ELMO1: variants seen among roughly 807,000 people sequenced by gnomAD.
ELMO1 encodes engulfment and cell motility protein 1.
A neutral mutation model predicts 98.9 loss-of-function variants in ELMO1; 26 were observed. The ratio of observed to expected loss-of-function variants is 0.26; its 90% CI spans 0.19 to 0.36. The LOEUF (loss-of-function observed/expected upper bound fraction) is 0.36. ELMO1 is among the 10% of genes least tolerant of loss of function. The pLI, the probability that ELMO1 is intolerant of heterozygous loss-of-function variation, is 1.00. For synonymous variants in ELMO1, 346 were observed against 346.0 expected (o/e 1.00, Z 0.00); for missense variants, 627 against 935.2 (o/e 0.67, Z 4.30).
chr7:37,282,742 G>A (rs1403444778), intron 4 of ELMO1, among the ~76,000 whole-genome samples: 1 of 152,208 alleles, frequency 6.6e-6, no homozygotes, highest in African/African-American at 2.4e-5. Context: ...TGCAGGGGCT[G>A]CTCACCATCA....
intron 13 of ELMO1, among the ~76,000 whole-genome samples, chr7:37,164,672 G>T (rs1485911194): frequency 1.3e-5 from 2 of 151,038 alleles, no homozygotes; most frequent in Admixed American, 6.6e-5. Flanking sequence ...ATTTCTGAGG[G>T]CTCTGTTCTG....
At chr7:36,955,733 C>T (rs1458245008) in intron 16 of ELMO1, among the ~76,000 whole-genome samples, 2 of 152,168 alleles carry the variant, frequency 1.3e-5, no homozygotes, top group African/African-American at 2.4e-5. Flanking sequence ...CTACCCTATT[C>T]GTGACCTTAA....
intron 16 of ELMO1, among the ~76,000 whole-genome samples, chr7:36,929,874 G>T (rs138060162): frequency 6.6e-6 from 1 of 152,366 alleles, no homozygotes; most frequent in East Asian, 1.9e-4. Context: ...CAAAGTATAA[G>T]TAAAGAGGTT....
intron 15 of ELMO1, among the ~76,000 whole-genome samples, chr7:37,067,531 C>T (rs34958479): frequency 0.24 from 36,207 of 152,096 alleles, 5,184 homozygotes; most frequent in African/African-American, 0.4. Flanking sequence ...TATGTACAGT[C>T]ATCTGTTTCA....
intron 16 of ELMO1, among the ~76,000 whole-genome samples, chr7:36,975,496 A>G (rs1248539971): frequency 6.6e-6 from 1 of 152,044 alleles, no homozygotes; most frequent in East Asian, 1.9e-4. Context: ...AATTTTCATC[A>G]AAGTTGAAAT....
intron 16 of ELMO1, among the ~76,000 whole-genome samples, chr7:36,949,307 C>T (rs1237787386): frequency 1.3e-5 from 2 of 152,232 alleles, no homozygotes; most frequent in Admixed American, 6.5e-5. Context: ...ATTCCCTTGC[C>T]TTGTGCCTTG....
chr7:36,931,500 T>G (rs1786032659), intron 16 of ELMO1, among the ~76,000 whole-genome samples: 1 of 151,572 alleles, frequency 6.6e-6, no homozygotes, highest in Non-Finnish European at 1.5e-5. Context: ...ACTGGGGAGG[T>G]TGAGGCGTGA....
At chr7:37,125,625 A>G (rs541567955) in intron 14 of ELMO1, among the ~76,000 whole-genome samples, 1 of 152,224 alleles carries the variant, frequency 6.6e-6, no homozygotes, top group Non-Finnish European at 1.5e-5. Context: ...TAGAATGGCA[A>G]TCATTAAAAA....
intron 13 of ELMO1, among the ~76,000 whole-genome samples, chr7:37,164,891 T>C (rs1233303082): frequency 6.6e-6 from 1 of 151,568 alleles, no homozygotes; most frequent in Non-Finnish European, 1.5e-5. Flanking sequence ...ATTGGTAGCT[T>C]GATGGGGATG....
intron 13 of ELMO1, among the ~76,000 whole-genome samples, chr7:37,163,804 G>A (rs1315668653): frequency 6.6e-6 from 1 of 152,172 alleles, no homozygotes; most frequent in Admixed American, 6.5e-5. Context: ...ACATACGTGT[G>A]CATGTGTCTT....
intron 15 of ELMO1, among the ~76,000 whole-genome samples, chr7:37,031,264 G>A (rs559532876): frequency 2.6e-4 from 39 of 152,016 alleles, no homozygotes; most frequent in Admixed American, 2.4e-3. Flanking sequence ...ATAAAGTAAC[G>A]CCTCTTCACA....
intron 1 of ELMO1, among the ~76,000 whole-genome samples, chr7:37,373,038 G>A (rs1468975510): frequency 6.6e-6 from 1 of 152,154 alleles, no homozygotes; most frequent in African/African-American, 2.4e-5. Flanking sequence ...TCACCTACAG[G>A]GAAACATCAC....
chr7:37,437,073 A>G (rs1269715245), intron 1 of ELMO1, among the ~76,000 whole-genome samples: 2 of 152,208 alleles, frequency 1.3e-5, no homozygotes, highest in South Asian at 2.1e-4. Flanking sequence ...TTTCCAAAGC[A>G]TGAATGGACC....
At chr7:36,931,436 C>G (rs905758588) in intron 16 of ELMO1, among the ~76,000 whole-genome samples, 10 of 152,202 alleles carry the variant, frequency 6.6e-5, no homozygotes, top group African/African-American at 1.9e-4. Flanking sequence ...CCTGTCTCTA[C>G]TAAAAGTACA....
intron 16 of ELMO1, among the ~76,000 whole-genome samples, chr7:36,949,308 T>G (rs1054704081): frequency 2.6e-5 from 4 of 152,228 alleles, no homozygotes; most frequent in Non-Finnish European, 5.9e-5. Flanking sequence ...TTCCCTTGCC[T>G]TGTGCCTTGG....
intron 13 of ELMO1, among the ~76,000 whole-genome samples, chr7:37,206,118 C>A (rs929418879): frequency 5.3e-5 from 8 of 152,170 alleles, no homozygotes; most frequent in African/African-American, 1.9e-4. Flanking sequence ...TCACAGAGCA[C>A]TGGACGCCAT....
At chr7:37,409,297 A>G (rs1803902771) in intron 1 of ELMO1, among the ~76,000 whole-genome samples, 1 of 152,182 alleles carries the variant, frequency 6.6e-6, no homozygotes, top group Non-Finnish European at 1.5e-5. Context: ...ACGGGTCACT[A>G]GTTTTATGCT....
At chr7:37,324,384 C>A (rs1799684310) in intron 2 of ELMO1, among the ~76,000 whole-genome samples, 1 of 123,034 alleles carries the variant, frequency 8.1e-6, no homozygotes, top group African/African-American at 3.0e-5. Context: ...CCTCTGCCTG[C>A]CTCAAAATGG....
chr7:37,276,789 G>T (rs563176349), intron 4 of ELMO1, among the ~76,000 whole-genome samples: 5 of 152,242 alleles, frequency 3.3e-5, no homozygotes, highest in Admixed American at 3.3e-4. Context: ...TCTTCTGTAA[G>T]TTGACCGGCA....
Sources: gnomAD v4.1 joint callset for allele counts (sites outside exome capture counted in the v4.1 genomes callset) on GRCh38, gnomAD v4.1.1 for gene constraint, MANE v1.5 for transcripts, NCBI Gene and HGNC (gene_info 2026-07-23, HGNC 2026-07-21) for gene names.